The following SRP9 variants were observed in gnomAD, a reference collection of about 807,000 sequenced individuals.
The protein encoded by SRP9 is signal recognition particle 9 kDa protein.
In SRP9, 2 loss-of-function variants were observed where a neutral mutation model predicts 11.7. The observed-to-expected ratio is 0.17, with a 90% confidence interval of 0.07 to 0.54. SRP9 has a LOEUF of 0.54. Among genes scored for constraint, SRP9 ranks in the 20% least tolerant of loss-of-function variants. The probability of loss-of-function intolerance (pLI) is 0.94; values close to 1 mark genes in which losing one functional copy is unlikely to be tolerated. For synonymous variants in SRP9, 27 were observed against 35.6 expected (o/e 0.76, Z 0.86); for missense variants, 54 against 108.1 (o/e 0.50, Z 2.22).
intron 1 of SRP9, among the ~76,000 whole-genome samples, chr1:225,779,143 T>C (rs934225900): frequency 2.6e-5 from 4 of 151,438 alleles, no homozygotes; most frequent in South Asian, 2.1e-4. Flanking sequence ...TTTTTTTTTT[T>C]CAATAGTTTT....
At position 225,777,966 on chromosome 1, in the gene SRP9, A is replaced by C; in HGVS notation, c.26A>C (p.Glu9Ala). The change falls in exon 1 of 3, where the codon GAG becomes GCG. Residue 9 changes from glutamate to alanine, a missense_variant. By Grantham distance (107) the Glu-to-Ala change is moderately radical (BLOSUM62 -1). Coordinates refer to ENST00000304786, the MANE Select transcript of SRP9 (RefSeq NM_003133.6). MPQYQTWE[E>A]FSRAAEKLYL... is the part of the protein sequence containing the mutation. ...ATGCCGCAGTACCAGACCTGGGAGG[A>C]GTTCAGCCGCGCTGCCGAGAAGCTT... 1 of 1,614,118 alleles carries C rather than the reference A, an allele frequency of 6.2e-7. No homozygotes were observed. Among genetic ancestry groups the C allele is most frequent in the Non-Finnish European group, 8.5e-7 (1 of 1,180,012 alleles).
At chr1:225,784,215 G>A (rs1279203480) in intron 2 of SRP9, among the ~76,000 whole-genome samples, 2 of 112,554 alleles carry the variant, frequency 1.8e-5, no homozygotes, top group Non-Finnish European at 3.6e-5. Flanking sequence ...CTACAGTGGA[G>A]TTTATCACCT....
chr1:225,785,268 G>A (rs59056449), intron 2 of SRP9, among the ~76,000 whole-genome samples: 15,419 of 148,960 alleles, frequency 0.1, 861 homozygotes, highest in Middle Eastern at 0.12. Flanking sequence ...AGTAGAGACG[G>A]GGTTTTCACC....
At chr1:225,784,488 ATCCAC>A in intron 2 of SRP9, among the ~76,000 whole-genome samples, 1 of 149,318 alleles carries the variant, frequency 6.7e-6, no homozygotes, top group African/African-American at 2.5e-5. Context: ...TGACCTCGTG[ATCCAC>A]CCGTCTCGGC....
chr1:225,784,229 CTTTTTTTTTTTTTTTTTTTTTT>C (rs561503475), intron 2 of SRP9, among the ~76,000 whole-genome samples: 4 of 34,460 alleles, frequency 1.2e-4, no homozygotes, highest in Admixed American at 4.6e-4. Context: ...ATCACCTGTT[CTTTTTTTTTTTTTTTTTTTTTT>C]TTTTTTTTTT....
At chr1:225,782,232 C>T (rs1354721149) in intron 1 of SRP9, among the ~76,000 whole-genome samples, 2 of 151,908 alleles carry the variant, frequency 1.3e-5, no homozygotes, top group African/African-American at 4.8e-5. Flanking sequence ...GGTGCGATCT[C>T]GGCTCACTGC....
intron 1 of SRP9, among the ~76,000 whole-genome samples, chr1:225,778,756 A>T (rs1351195418): frequency 6.6e-6 from 1 of 152,130 alleles, no homozygotes. Flanking sequence ...TGGTTATTTT[A>T]TTGTCATGTC....
At position 225,790,185 on chromosome 1, in the gene SRP9, C is replaced by A. The variant is rs925258189; in HGVS notation, c.*826C>A. ...ATCCTTGCATACTTCTGTGACACCC[C>A]TGCCCATTTTCTGTCTTTAATTAAC... On this transcript the variant is annotated 3_prime_UTR_variant, in exon 3 of 3. Coordinates refer to ENST00000304786, the MANE Select transcript of SRP9 (RefSeq NM_003133.6). 1 of 152,296 alleles carries A rather than the reference C, an allele frequency of 6.6e-6. No individual in the cohort carries two copies. The highest frequency in any genetic ancestry group is 2.4e-5 in the African/African-American group (1 of 41,556). 9.4% of individuals were successfully genotyped at this position (152,296 alleles called of 1,614,324 possible).
chr1:225,788,832 GA>G (rs1236689259), intron 2 of SRP9, among the ~76,000 whole-genome samples: 2 of 152,138 alleles, frequency 1.3e-5, no homozygotes, highest in Non-Finnish European at 2.9e-5. Context: ...GAGATCTTAA[GA>G]TTTCTGTGTT....
intron 2 of SRP9, among the ~76,000 whole-genome samples, chr1:225,786,682 T>C (rs1452997778): frequency 6.6e-6 from 1 of 152,192 alleles, no homozygotes; most frequent in Non-Finnish European, 1.5e-5. Context: ...ATTTTGGCCT[T>C]GGAAAAGTTT....
chr1:225,785,326 C>T (rs1406632342), intron 2 of SRP9, among the ~76,000 whole-genome samples: 3 of 150,834 alleles, frequency 2.0e-5, no homozygotes, highest in Non-Finnish European at 4.4e-5. Context: ...ATCCACCCAC[C>T]TTGGCCTCTG....
chr1:225,788,221 C>A (rs1041914400), intron 2 of SRP9, among the ~76,000 whole-genome samples: 8 of 151,822 alleles, frequency 5.3e-5, no homozygotes, highest in Non-Finnish European at 1.2e-4. Context: ...ATGGAGAAAC[C>A]CCGTCTCTAC....
intron 1 of SRP9, among the ~76,000 whole-genome samples, chr1:225,779,678 C>T (rs1174577253): frequency 2.0e-5 from 3 of 152,196 alleles, no homozygotes; most frequent in African/African-American, 7.2e-5. Flanking sequence ...CTATTTTTTA[C>T]AATAAAATGA....
chr1:225,779,993 A>G (rs140470357), intron 1 of SRP9, among the ~76,000 whole-genome samples: 5 of 152,332 alleles, frequency 3.3e-5, no homozygotes, highest in African/African-American at 9.6e-5. Flanking sequence ...TGAGCAAAGC[A>G]TGTCTAGAAT....
At position 225,789,341 on chromosome 1, in the gene SRP9, T is replaced by C; in HGVS notation, c.243T>C (p.Val81=). The C allele has an allele frequency of 6.2e-7, 1 of 1,601,708 alleles. No individual in the cohort carries two copies. The highest frequency in any genetic ancestry group is 8.5e-7 in the Non-Finnish European group (1 of 1,175,268). The change falls in exon 3 of 3, where the codon GTT becomes GTC. Residue 81 remains valine, a synonymous_variant. Transcript: ENST00000304786. ...TGGTAGCCAAGGAAGCCCGCAATGTTACCATGGAAACTGAGTGAATGGTTT... is the reference window on the plus strand; with the variant it reads ...TGGTAGCCAAGGAAGCCCGCAATGTCACCATGGAAACTGAGTGAATGGTTT... ...RLMVAKEARN[V]TMETE is the part of the protein sequence containing the mutation.
intron 2 of SRP9, among the ~76,000 whole-genome samples, chr1:225,788,448 A>T (rs1184245107): frequency 7.2e-6 from 1 of 138,656 alleles, no homozygotes; most frequent in Admixed American, 7.7e-5. Flanking sequence ...ACGGAATCTC[A>T]CTCTGTCGCC....
intron 1 of SRP9, among the ~76,000 whole-genome samples, chr1:225,782,188 GGA>G (rs1371632865): frequency 1.5e-4 from 22 of 151,522 alleles, no homozygotes; most frequent in Non-Finnish European, 1.9e-4. Flanking sequence ...TTTTTGAAAT[GGA>G]GTCTCGCTCT....
chr1:225,778,672 C>T (rs1665733606), intron 1 of SRP9, among the ~76,000 whole-genome samples: 1 of 152,174 alleles, frequency 6.6e-6, no homozygotes, highest in Non-Finnish European at 1.5e-5. Context: ...GAGGTTAGCT[C>T]ATTATTAAAA....
At chr1:225,785,054 C>T (rs562114283) in intron 2 of SRP9, among the ~76,000 whole-genome samples, 1 of 152,050 alleles carries the variant, frequency 6.6e-6, no homozygotes, top group Admixed American at 6.6e-5. Context: ...GGATTACACA[C>T]ATGGGCCACA....
Sources: allele counts gnomAD v4.1 joint callset (sites outside exome capture counted in the v4.1 genomes callset), GRCh38; gene constraint gnomAD v4.1.1; transcripts MANE v1.5; gene names NCBI Gene and HGNC (gene_info 2026-07-23, HGNC 2026-07-21).